AFF3: variants seen among roughly 807,000 people sequenced by gnomAD.
AFF3 encodes the protein AF4/FMR2 family member 3.
A neutral mutation model predicts 129.7 loss-of-function variants in AFF3; 32 were observed. The ratio of observed to expected loss-of-function variants is 0.25; its 90% CI spans 0.19 to 0.33. The LOEUF is 0.33. Ranked by LOEUF, AFF3 falls within the 10% of genes least tolerant of loss-of-function variation. The pLI is 1.00. For missense variants in AFF3, 1,373 were observed against 1,592.0 expected, an observed-to-expected ratio of 0.86 and a Z score of 2.34; for synonymous variants, 644 against 635.4, an observed-to-expected ratio of 1.01 and a Z score of -0.20.
Position 99,563,168 on chromosome 2 carries a change from G to A in AFF3, c.3119+2319C>T, listed in dbSNP as rs941045107. On this transcript the variant is annotated intron_variant, in intron 20 of 24. Transcript: ENST00000672756. ...GGGTCAGGCAGGGTGGGCAATGTGCGGATGTAATTAATGCTGTTTTCTTTT... is the reference window on the plus strand; with the variant it reads ...GGGTCAGGCAGGGTGGGCAATGTGCAGATGTAATTAATGCTGTTTTCTTTT... Among the ~76,000 whole-genome samples, 9 of 151,936 alleles carry A rather than the reference G, an allele frequency of 5.9e-5. No homozygotes were observed. The South Asian group carries it at 8.3e-4, about 14-fold the overall frequency.
At chr2:99,706,858 A>C (rs1319638186) in intron 11 of AFF3, among the ~76,000 whole-genome samples, 5 of 152,156 alleles carry the variant, frequency 3.3e-5, no homozygotes, top group Non-Finnish European at 7.4e-5. Flanking sequence ...AGAAATACAA[A>C]TTCTTCTTTT....
At chr2:99,965,896 G>T (rs774269094) in intron 7 of AFF3, among the ~76,000 whole-genome samples, 19 of 152,150 alleles carry the variant, frequency 1.2e-4, no homozygotes, top group Non-Finnish European at 2.5e-4. Context: ...TAGCTAATTA[G>T]ACATGGTGCT....
At chr2:100,108,784 C>T (rs1334734063) in intron 2 of AFF3, among the ~76,000 whole-genome samples, 2 of 151,974 alleles carry the variant, frequency 1.3e-5, no homozygotes. Flanking sequence ...AGAGCTGCTC[C>T]TAGGGTTCAG....
At chr2:99,834,329 A>T (rs1688710585) in intron 8 of AFF3, among the ~76,000 whole-genome samples, 1 of 152,206 alleles carries the variant, frequency 6.6e-6, no homozygotes. Context: ...CCTCATCTGT[A>T]AAATGGGAAT....
At position 99,702,148 on chromosome 2, in the gene AFF3, C is replaced by A. The variant is rs145863107; in HGVS notation, c.1091+24929G>T. 1.1e-3 allele frequency among the ~76,000 whole-genome samples: 174 copies of A among 152,258 alleles called. 1 individual carries two copies. Among genetic ancestry groups the A allele is most frequent in the African/African-American group, 4.0e-3 (166 of 41,542 alleles). Reference sequence around the variant, plus strand: ...TGGGATATATGCCCAAGAGTGCAACCGCTGGGTCCATTTTCAGCTATAAAA... The same window carrying A: ...TGGGATATATGCCCAAGAGTGCAACAGCTGGGTCCATTTTCAGCTATAAAA... On this transcript the variant is annotated intron_variant, in intron 11 of 24. Coordinates refer to ENST00000672756, the MANE Select transcript of AFF3 (RefSeq NM_001386135.1).
chr2:99,849,890 T>C (rs1383267780), intron 7 of AFF3, among the ~76,000 whole-genome samples: 2 of 152,166 alleles, frequency 1.3e-5, no homozygotes, highest in African/African-American at 4.8e-5. Flanking sequence ...CTAAGGAGTA[T>C]TGTTCAACAA....
chr2:100,006,299 A>T, intron 7 of AFF3: 1 of 196,146 alleles, frequency 5.1e-6, no homozygotes, highest in Non-Finnish European at 1.0e-5. Context: ...TCACTTATTC[A>T]CTTATTTCTT....
intron 7 of AFF3, among the ~76,000 whole-genome samples, chr2:99,973,670 T>TAAA (rs1379741574): frequency 6.6e-6 from 1 of 152,188 alleles, no homozygotes; most frequent in Non-Finnish European, 1.5e-5. Flanking sequence ...TTCCCCTTTT[T>TAAA]AGGTAAATAC....
At chr2:99,905,507 G>A (rs1030716442) in intron 7 of AFF3, among the ~76,000 whole-genome samples, 2 of 152,132 alleles carry the variant, frequency 1.3e-5, no homozygotes, top group African/African-American at 2.4e-5. Context: ...TGTTTCAGAT[G>A]CTGGTTATTG....
chr2:100,125,274 A>C (rs1692138325), intron 2 of AFF3, among the ~76,000 whole-genome samples: 1 of 152,154 alleles, frequency 6.6e-6, no homozygotes, highest in Admixed American at 6.5e-5. Flanking sequence ...CTGGGAGGAG[A>C]GGGGTGGTAT....
intron 7 of AFF3, among the ~76,000 whole-genome samples, chr2:99,889,128 A>AT (rs201762342): frequency 1.9e-3 from 294 of 150,948 alleles, no homozygotes; most frequent in African/African-American, 6.1e-3. Flanking sequence ...TTCTAGACAG[A>AT]TTTTTTTTTT....
At chr2:99,983,738 G>A (rs1050041529) in intron 7 of AFF3, among the ~76,000 whole-genome samples, 3 of 152,140 alleles carry the variant, frequency 2.0e-5, no homozygotes, top group Non-Finnish European at 2.9e-5. Flanking sequence ...TCAGGTAATT[G>A]TTCTGCATTG....
At chr2:100,100,849 C>G (rs1049354676) in intron 4 of AFF3, among the ~76,000 whole-genome samples, 7 of 152,202 alleles carry the variant, frequency 4.6e-5, no homozygotes, top group African/African-American at 7.2e-5. Context: ...AGCTGGTGGA[C>G]CACAGAAGGA....
At chr2:100,117,524 T>C (rs1053371516) in intron 2 of AFF3, among the ~76,000 whole-genome samples, 1 of 152,252 alleles carries the variant, frequency 6.6e-6, no homozygotes. Context: ...TTCTCAACCT[T>C]ATCTTTTTGC....
intron 19 of AFF3, among the ~76,000 whole-genome samples, chr2:99,567,134 A>ATT (rs35594854): frequency 9.6e-4 from 125 of 130,016 alleles, no homozygotes; most frequent in African/African-American, 1.5e-3. Flanking sequence ...CACCTGGCTC[A>ATT]TTTTTTTTTT....
At chr2:99,950,509 G>C (rs1676052157) in intron 7 of AFF3, among the ~76,000 whole-genome samples, 1 of 152,100 alleles carries the variant, frequency 6.6e-6, no homozygotes, top group South Asian at 2.1e-4. Flanking sequence ...TTTGTTTCCT[G>C]CATGAATGAT....
In AFF3 at chr2:99,549,723, A is replaced by T. The variant is rs1674277932; in HGVS notation, c.*1751T>A. 3 of 219,504 alleles carry T rather than the reference A, an allele frequency of 1.4e-5. No individual in the cohort carries two copies. The highest frequency in any genetic ancestry group is 9.1e-6 in the Non-Finnish European group (1 of 109,570). The allele number at this position is 219,504 out of a possible 1,614,324, so 13.6% of individuals were successfully genotyped here. A position where few individuals can be genotyped will look rare whatever the true frequency, so the allele number is the denominator to read the frequency against. ...CCTTCTTATTTTCAATTAATTTCAA[A>T]TCATCTAAGTTGTTCAGTCATTTAT... On this transcript the variant is annotated 3_prime_UTR_variant, in exon 25 of 25. Coordinates refer to ENST00000672756, the MANE Select transcript of AFF3 (RefSeq NM_001386135.1).
chr2:99,616,814 C>T (rs1445705779), intron 13 of AFF3, among the ~76,000 whole-genome samples: 2 of 152,170 alleles, frequency 1.3e-5, no homozygotes, highest in Admixed American at 1.3e-4. Context: ...CCACTCCAAG[C>T]TCCCCTTGCC....
intron 13 of AFF3, among the ~76,000 whole-genome samples, chr2:99,623,387 A>G (rs1249548138): frequency 1.3e-5 from 2 of 152,114 alleles, no homozygotes; most frequent in Non-Finnish European, 2.9e-5. Context: ...TTAATTTGCT[A>G]CTTAATGTCA....
Sources: allele counts gnomAD v4.1 joint callset (sites outside exome capture counted in the v4.1 genomes callset), GRCh38; gene constraint gnomAD v4.1.1; transcripts MANE v1.5; gene names NCBI Gene and HGNC (gene_info 2026-07-23, HGNC 2026-07-21).